PKP4: variants seen among roughly 807,000 people sequenced by gnomAD.
PKP4 encodes the protein plakophilin-4.
PKP4 carries 90 observed loss-of-function variants against 145.1 expected under a neutral mutation model. The ratio of observed to expected loss-of-function variants is 0.62; its 90% CI spans 0.52 to 0.74. The LOEUF (loss-of-function observed/expected upper bound fraction) is 0.74. PKP4 is among the 30% of genes least tolerant of loss of function. The pLI is 0.00. For synonymous variants in PKP4, 563 were observed against 577.2 expected (o/e 0.98, Z 0.35); for missense variants, 1,340 against 1,482.7 (o/e 0.90, Z 1.58).
chr2:158,471,805 A>G (rs769162803), intron 1 of PKP4, among the ~76,000 whole-genome samples: 4 of 152,258 alleles, frequency 2.6e-5, no homozygotes, highest in Non-Finnish European at 5.9e-5. Flanking sequence ...CCTTTTTTAG[A>G]TACCTCATTA....
chr2:158,540,495 G>A (rs1428756691), intron 2 of PKP4, among the ~76,000 whole-genome samples: 1 of 152,052 alleles, frequency 6.6e-6, no homozygotes, highest in Non-Finnish European at 1.5e-5. Flanking sequence ...GGGTTGAGGG[G>A]GATAAGTAGA....
At chr2:158,643,914 C>T (rs948632988) in intron 11 of PKP4, among the ~76,000 whole-genome samples, 6 of 152,112 alleles carry the variant, frequency 3.9e-5, no homozygotes, top group Middle Eastern at 3.4e-3. Context: ...TACACACACG[C>T]GCCACCAAAC....
chr2:158,622,472 C>T (rs554389386), intron 6 of PKP4, among the ~76,000 whole-genome samples: 3 of 151,948 alleles, frequency 2.0e-5, no homozygotes, highest in Non-Finnish European at 4.4e-5. Context: ...CCCCAAAACC[C>T]CAGTGCTTTC....
intron 3 of PKP4, among the ~76,000 whole-genome samples, chr2:158,598,931 G>A (rs969646675): frequency 3.9e-5 from 6 of 152,096 alleles, no homozygotes; most frequent in African/African-American, 1.2e-4. Context: ...ATTCCTGCAT[G>A]TTCTACCCTA....
rs114925577 is a variant in PKP4 at position 158,555,724 on chromosome 2, C to G, written c.133-21547C>G. On this transcript the variant is annotated intron_variant, in intron 2 of 21. Transcript: ENST00000389759. ...TGGGTTTTGTCCATGCCACCTGTAT[C>G]CTCACCTGGTCTCACTTTTGATCAT... 4.8e-3 allele frequency among the ~76,000 whole-genome samples: 732 copies of G among 152,284 alleles called. 1 individual carries two copies. Among genetic ancestry groups the G allele is most frequent in the African/African-American group, 0.016 (669 of 41,562 alleles).
intron 2 of PKP4, among the ~76,000 whole-genome samples, chr2:158,554,759 G>C (rs1385984878): frequency 6.6e-6 from 1 of 152,032 alleles, no homozygotes; most frequent in Non-Finnish European, 1.5e-5. Context: ...GCTATCCATT[G>C]GTCTTGCCAC....
At chr2:158,647,644 T>A (rs926137936) in intron 11 of PKP4, among the ~76,000 whole-genome samples, 3 of 152,240 alleles carry the variant, frequency 2.0e-5, no homozygotes, top group African/African-American at 7.2e-5. Flanking sequence ...AATGGTTCTC[T>A]AGTATGTAAC....
chr2:158,510,488 G>C (rs1236206875), intron 1 of PKP4, among the ~76,000 whole-genome samples: 1 of 152,238 alleles, frequency 6.6e-6, no homozygotes, highest in East Asian at 1.9e-4. Flanking sequence ...ACTTGAACTA[G>C]ATTGGTTGGA....
intron 1 of PKP4, among the ~76,000 whole-genome samples, chr2:158,510,399 A>T (rs1405485406): frequency 1.3e-5 from 2 of 152,240 alleles, no homozygotes; most frequent in Non-Finnish European, 2.9e-5. Context: ...GGTCTTATTA[A>T]ATTTAAATCT....
chr2:158,648,218 A>T (rs2055008554), intron 11 of PKP4, among the ~76,000 whole-genome samples: 1 of 152,210 alleles, frequency 6.6e-6, no homozygotes, highest in Non-Finnish European at 1.5e-5. Flanking sequence ...GCTAAGTAAA[A>T]TATTTCCACT....
chr2:158,602,234 A>G (rs1451948008), intron 3 of PKP4, among the ~76,000 whole-genome samples: 2 of 152,156 alleles, frequency 1.3e-5, no homozygotes, highest in Non-Finnish European at 2.9e-5. Flanking sequence ...TTGGAATCTG[A>G]CCAGGAGTCC....
At chr2:158,567,309 C>G (rs2047069011) in intron 2 of PKP4, among the ~76,000 whole-genome samples, 1 of 152,082 alleles carries the variant, frequency 6.6e-6, no homozygotes, top group Admixed American at 6.5e-5. Context: ...GAGGAAAAGC[C>G]TTGAGTGGTG....
At chr2:158,607,448 T>C (rs2050749249) in intron 4 of PKP4, among the ~76,000 whole-genome samples, 1 of 152,038 alleles carries the variant, frequency 6.6e-6, no homozygotes, top group African/African-American at 2.4e-5. Flanking sequence ...ATATGAGTGA[T>C]TAAACAGGAT....
At chr2:158,604,211 A>G (rs1229341914) in intron 4 of PKP4, among the ~76,000 whole-genome samples, 4 of 152,172 alleles carry the variant, frequency 2.6e-5, no homozygotes, top group Non-Finnish European at 5.9e-5. Flanking sequence ...CTTGGGCTTG[A>G]TGGGCGGCTC....
At chr2:158,509,319 CTT>C in intron 1 of PKP4, among the ~76,000 whole-genome samples, 1 of 152,228 alleles carries the variant, frequency 6.6e-6, no homozygotes, top group East Asian at 1.9e-4. Flanking sequence ...CAGTTAAAAT[CTT>C]TGAGGTATTT....
At chr2:158,614,536 A>G (rs143741156) in intron 4 of PKP4, among the ~76,000 whole-genome samples, 1,816 of 152,306 alleles carry the variant, frequency 0.012, 30 homozygotes, top group Non-Finnish European at 0.02. Flanking sequence ...CAAATTACCT[A>G]TATTATACAG....
At chr2:158,622,589 C>A (rs2052359970) in intron 6 of PKP4, among the ~76,000 whole-genome samples, 3 of 152,046 alleles carry the variant, frequency 2.0e-5, no homozygotes, top group African/African-American at 7.3e-5. Flanking sequence ...GGTCACGGTT[C>A]CCAACGCCCA....
At chr2:158,529,159 A>G (rs909018011) in intron 1 of PKP4, among the ~76,000 whole-genome samples, 4 of 152,212 alleles carry the variant, frequency 2.6e-5, no homozygotes, top group African/African-American at 9.6e-5. Context: ...CATTAGCTCC[A>G]AAAGGAAAGG....
intron 1 of PKP4, among the ~76,000 whole-genome samples, chr2:158,492,110 C>CT (rs1016853665): frequency 5.3e-5 from 8 of 151,912 alleles, no homozygotes; most frequent in African/African-American, 1.9e-4. Flanking sequence ...CACCGGGCCC[C>CT]TTTTTTTAAC....
Sources: gnomAD v4.1 joint callset for allele counts (sites outside exome capture counted in the v4.1 genomes callset) on GRCh38, gnomAD v4.1.1 for gene constraint, MANE v1.5 for transcripts, NCBI Gene and HGNC (gene_info 2026-07-23, HGNC 2026-07-21) for gene names.